The following KIF1A variants were observed in gnomAD, a reference collection of about 807,000 sequenced individuals.
The protein encoded by KIF1A is kinesin family member 1A.
In KIF1A, 46 loss-of-function variants were observed where a neutral mutation model predicts 227.3. That is an observed-to-expected ratio of 0.20 (90% CI 0.16 to 0.26). The LOEUF is 0.26. KIF1A is among the 10% of genes least tolerant of loss of function. KIF1A has a pLI of 1.00. For synonymous variants in KIF1A, 1,022 were observed against 1,012.8 expected, an observed-to-expected ratio of 1.01 and a Z score of -0.17; for missense variants, 1,683 against 2,485.9, an observed-to-expected ratio of 0.68 and a Z score of 6.87.
Position 240,789,352 on chromosome 2 carries a change from G to A in KIF1A, c.107-40C>T, listed in dbSNP as rs904669089. The A allele has an allele frequency of 6.5e-7, 1 of 1,538,366 alleles. No homozygotes were observed. The highest frequency in any genetic ancestry group is 1.7e-5 in the Admixed American group (1 of 59,738). On this transcript the variant is annotated intron_variant, in intron 2 of 48. Coordinates refer to ENST00000498729, the MANE Select transcript of KIF1A (RefSeq NM_001244008.2). The surrounding 1 kb of genome is among the most constrained non-coding windows in gnomAD (Gnocchi z 4.8). ...ACAGGTGGTTAGCGCTGTGCTGGGA[G>A]GGCCCCTGACTAGCTGGCATCTACA...
rs1370067022 is a variant in KIF1A at position 240,722,543 on chromosome 2, G to A, written c.4578C>T (p.Ser1526=). The change falls in exon 43 of 49, where the codon TCC becomes TCT. Residue 1526 remains serine, a synonymous_variant. Coordinates refer to ENST00000498729, the MANE Select transcript of KIF1A (RefSeq NM_001244008.2). ...CCGAGAGCGGGGAGGAGGCGCTGGA[G>A]GAGCCATGGGACTCAGAGTCCTCGC... ...AFSEDSESHG[S]SSASSPLSAE... The A allele has an allele frequency of 1.3e-6, 2 of 1,550,182 alleles. No individual in the cohort carries two copies. Among genetic ancestry groups the A allele is most frequent in the Non-Finnish European group, 1.7e-6 (2 of 1,147,256 alleles).
rs2125713694 is a variant in KIF1A, at chr2:240,736,354, C to T, written c.4007+709G>A. 6.6e-6 allele frequency among the ~76,000 whole-genome samples: 1 copy of T among 152,234 alleles called. No individual in the cohort carries two copies. The highest frequency in any genetic ancestry group is 2.1e-4 in the South Asian group (1 of 4,832). On this transcript the variant is annotated intron_variant, in intron 38 of 48. Transcript: ENST00000498729. This position sits in a 1 kb window ranked among gnomAD's most constrained non-coding sequence, Gnocchi z 4.7. ...GAGCCCCCGCCTCACTTTCCCCAAG[C>T]CCCTGGAAGGCAGCGTCTGGGACGC...
intron 1 of KIF1A, among the ~76,000 whole-genome samples, chr2:240,811,004 G>A (rs1032516692): frequency 3.9e-5 from 6 of 152,198 alleles, no homozygotes; most frequent in South Asian, 2.1e-4. Flanking sequence ...GCATGTGGCC[G>A]TTGGTTGTAA....
intron 18 of KIF1A, 90 bp downstream of exon 18, chr2:240,767,176 C>T (rs2051313473): frequency 1.6e-6 from 2 of 1,224,536 alleles, no homozygotes; most frequent in East Asian, 2.4e-5. Context: ...TCAGTGGCCC[C>T]TCTGCAGAAG....
Position 240,758,720 on chromosome 2 carries a change from C to G in KIF1A, c.2445-223G>C, listed in dbSNP as rs146326511. On this transcript the variant is annotated intron_variant, in intron 25 of 48. Transcript: ENST00000498729. The surrounding 1 kb of genome is among the most constrained non-coding windows in gnomAD (Gnocchi z 5.2). ...TCAGCTAAGCACGCAAGGTCACCAA[C>G]AGCTCCTCCCAAACTCCCTCCAGGG... 8.9e-4 allele frequency among the ~76,000 whole-genome samples: 135 copies of G among 152,280 alleles called. 1 individual carries two copies. Among genetic ancestry groups the G allele is most frequent in the Admixed American group, 2.1e-3 (32 of 15,308 alleles).
intron 38 of KIF1A, among the ~76,000 whole-genome samples, chr2:240,727,765 C>T (rs1201066491): frequency 1.3e-5 from 2 of 152,172 alleles, no homozygotes; most frequent in African/African-American, 2.4e-5. Flanking sequence ...CCCATGGGGT[C>T]GAACCACGTT....
chr2:240,737,318 GC>G, intron 37 of KIF1A, 150 bp from the exon 38 acceptor site: 1 of 632,442 alleles, frequency 1.6e-6, no homozygotes. Context: ...GAACAGGGAG[GC>G]CCTACAGGGT....
rs368560754 is a variant in KIF1A, at chr2:240,797,769, G to C, written c.-17C>G. 4 of 1,572,042 alleles carry C rather than the reference G, an allele frequency of 2.5e-6. No individual in the cohort carries two copies. The African/African-American group carries it at 5.4e-5, about 21-fold the overall frequency. On this transcript the variant is annotated 5_prime_UTR_variant, in exon 2 of 49. Coordinates refer to ENST00000498729, the MANE Select transcript of KIF1A (RefSeq NM_001244008.2). ...CCCGGCCATCTCTGTGGCCTTCGTG[G>C]GTCACTCCTCGCAGTAGTGGGAGCC...
intron 20 of KIF1A, 57 bp from the exon 21 acceptor site, chr2:240,763,403 G>A: frequency 6.7e-7 from 1 of 1,484,514 alleles, no homozygotes; most frequent in Non-Finnish European, 9.1e-7. Context: ...GTCCCTGATG[G>A]TCTCAAGCGG....
chr2:240,782,493 C>A (rs2054189930), intron 10 of KIF1A, 97 bp downstream of exon 10: 2 of 1,338,110 alleles, frequency 1.5e-6, no homozygotes, highest in Admixed American at 2.1e-5. Context: ...CCAGCGCACT[C>A]ACTGCCCGCC....
Position 240,750,525 on chromosome 2 carries a change from G to C in KIF1A, c.2881C>G (p.Leu961Val). 1 of 1,613,824 alleles carries C rather than the reference G, an allele frequency of 6.2e-7. No individual in the cohort carries two copies. The highest frequency in any genetic ancestry group is 1.1e-5 in the South Asian group (1 of 91,080). Residue 961 changes from leucine (L) to valine (V), a missense_variant, in exon 28 of 49, where the codon CTG becomes GTG. Physicochemically the swap from Leu to Val is conservative, Grantham distance 32. Around this residue, in one of 12 missense-constraint regions of KIF1A, gnomAD observed 759 missense variants for 1,020.2 expected, o/e 0.74. Transcript: ENST00000498729. ...TGTACCAGGGGAACGGGGTACAGCA[G>C]GTTGCTCAGGTACACGAAGGCCCTG... ...VGRAFVYLSN[L>V]LYPVPLVHRV...
chr2:240,806,728 A>G (rs1390913306), intron 1 of KIF1A, among the ~76,000 whole-genome samples: 1 of 152,198 alleles, frequency 6.6e-6, no homozygotes, highest in Admixed American at 6.5e-5. Context: ...GGAAAATGTG[A>G]TGCATAACTA....
At chr2:240,723,375 C>T in intron 42 of KIF1A, 38 bp downstream of exon 42, 1 of 1,508,456 alleles carries the variant, frequency 6.6e-7, no homozygotes, top group South Asian at 1.3e-5. Context: ...GCCACATGGA[C>T]ACCACCGTGC....
Position 240,722,481 on chromosome 2 carries a change from T to C in KIF1A, c.4640A>G (p.Glu1547Gly). 1 of 1,547,154 alleles carries C rather than the reference T, an allele frequency of 6.5e-7. No homozygotes were observed. ...CTTGACGGCCAGCTCCCGCTGCCTC[T>C]CGTTGGGAGCCTCCAGGGGTGATGG... ...GRPSPLEAPN[E>G]RQRELAVKCL... Residue 1547 changes from glutamate to glycine, a missense_variant, in exon 43 of 49, where the codon GAG becomes GGG. Physicochemically the swap from Glu to Gly is moderately conservative, Grantham distance 98. This residue lies in a region of KIF1A where 384 missense variants were observed against 410.1 expected (regional missense o/e 0.94). Coordinates refer to ENST00000498729, the MANE Select transcript of KIF1A (RefSeq NM_001244008.2).
chr2:240,800,988 C>T (rs1309816900), intron 1 of KIF1A, among the ~76,000 whole-genome samples: 1 of 138,416 alleles, frequency 7.2e-6, no homozygotes, highest in East Asian at 2.2e-4. Flanking sequence ...CATCTGGAAC[C>T]TCTACACTCT....
Position 240,761,349 on chromosome 2 carries a change from C to T in KIF1A, c.2145G>A (p.Leu715=), listed in dbSNP as rs1305012223. ...EVQWTERECE[L]ALWAFRKWKW... ...TCCACTTCCGGAAGGCCCAGAGCGC[C>T]AGCTCACACTCCCGCTCTGTCCACT... is the stretch of plus-strand genomic sequence containing the variant. Residue 715 remains leucine (L), a synonymous_variant, in exon 24 of 49, where the codon CTG becomes CTA. Transcript: ENST00000498729. 1.9e-6 allele frequency: 3 copies of T among 1,612,840 alleles called. No individual in the cohort carries two copies. The highest frequency in any genetic ancestry group is 2.5e-6 in the Non-Finnish European group (3 of 1,179,386).
At position 240,752,478 on chromosome 2, in the gene KIF1A, C is replaced by A. The variant is rs59170506; in HGVS notation, c.2859-1931G>T. Among the ~76,000 whole-genome samples the A allele has an allele frequency of 0.054, 8,211 of 152,038 alleles. 235 individuals are homozygous for A. The highest frequency in any genetic ancestry group is 0.07 in the African/African-American group (2,908 of 41,468). On this transcript the variant is annotated intron_variant, in intron 27 of 48. Transcript: ENST00000498729. The surrounding 1 kb of genome is among the most constrained non-coding windows in gnomAD (Gnocchi z 6.4). ...CCCCAGGGCACCCCGGGCTCCTGGA[C>A]AAGGGTCTCTGCTTGACAGTGGGGG... is the stretch of plus-strand genomic sequence containing the variant.
Position 240,761,322 on chromosome 2 carries a change from C to T in KIF1A, c.2172G>A (p.Lys724=). 2 of 1,613,722 alleles carry T rather than the reference C, an allele frequency of 1.2e-6. No individual in the cohort carries two copies. The highest frequency in any genetic ancestry group is 1.7e-6 in the Non-Finnish European group (2 of 1,179,762). The change falls in exon 24 of 49, where the codon AAG becomes AAA. Residue 724 remains lysine (K), a synonymous_variant. Transcript: ENST00000498729. ...ELALWAFRKW[K]WYQFTSLRDL... is the part of the protein sequence containing the mutation. The stretch of plus-strand genomic sequence containing the variant: ...CCCGCAGAGACGTGAACTGGTACCA[C>T]TTCCACTTCCGGAAGGCCCAGAGCG...
intron 6 of KIF1A, among the ~76,000 whole-genome samples, chr2:240,785,605 G>A (rs556206874): frequency 6.6e-6 from 1 of 152,292 alleles, no homozygotes; most frequent in East Asian, 1.9e-4. Flanking sequence ...ATGCCACCCT[G>A]ACCTGCCAGG....
Sources: allele counts gnomAD v4.1 joint callset (sites outside exome capture counted in the v4.1 genomes callset), GRCh38; gene constraint gnomAD v4.1.1; regional missense constraint gnomAD v4.1.1; non-coding constraint Gnocchi (gnomAD v3.1); transcripts MANE v1.5; gene names NCBI Gene and HGNC (gene_info 2026-07-23, HGNC 2026-07-21).